The following GAK variants were observed in gnomAD, a reference collection of about 807,000 sequenced individuals.
GAK encodes cyclin G associated kinase.
A neutral mutation model predicts 143.9 loss-of-function variants in GAK; 79 were observed. That is an observed-to-expected ratio of 0.55 (90% confidence interval 0.46 to 0.66). The LOEUF (loss-of-function observed/expected upper bound fraction) is 0.66. Among genes scored for constraint, GAK ranks in the 30% least tolerant of loss-of-function variants. The probability of loss-of-function intolerance (pLI) is 0.00; values close to 1 mark genes in which losing one functional copy is unlikely to be tolerated. For missense variants in GAK, 1,693 were observed against 1,779.7 expected (o/e 0.95, Z 0.88); for synonymous variants, 881 against 765.5 (o/e 1.15, Z -2.49).
intron 5 of GAK, among the ~76,000 whole-genome samples, chr4:903,342 G>A (rs893250860): frequency 2.6e-5 from 4 of 152,234 alleles, no homozygotes; most frequent in East Asian, 3.9e-4. Context: ...GCCGGTGAAC[G>A]GAAGGGGAGG....
At chr4:929,714 A>G (rs976098441) in intron 1 of GAK, among the ~76,000 whole-genome samples, 17 of 152,112 alleles carry the variant, frequency 1.1e-4, no homozygotes, top group African/African-American at 1.7e-4. Context: ...AGATGACAGA[A>G]CAAATTTGAA....
At chr4:879,751 T>A (rs1450637854) in intron 15 of GAK, among the ~76,000 whole-genome samples, 17 of 152,210 alleles carry the variant, frequency 1.1e-4, no homozygotes, top group Admixed American at 8.5e-4. Flanking sequence ...CATGATTTCT[T>A]CACTGCTCCC....
rs1470057402 is a variant in GAK at position 856,665 on chromosome 4, C to T, written c.3283+2941G>A. ...GCTCACACCTGCTCACCATAGCTCA[C>T]CACAGCTGCTCACACCTGCTCACCA... On this transcript the variant is annotated intron_variant, in intron 24 of 27. Transcript: ENST00000314167. Among the ~76,000 whole-genome samples, 9 of 147,734 alleles carry T rather than the reference C, an allele frequency of 6.1e-5. No homozygotes were observed. The South Asian group carries it at 1.3e-3, about 22-fold the overall frequency.
chr4:931,411 T>C (rs1422180744), intron 1 of GAK, among the ~76,000 whole-genome samples: 2 of 150,956 alleles, frequency 1.3e-5, no homozygotes, highest in Non-Finnish European at 3.0e-5. Context: ...CAGTCTACCC[T>C]CGGCCAACCC....
chr4:912,677 C>T (rs909944744), intron 3 of GAK, 58 bp downstream of exon 3: 22 of 1,393,984 alleles, frequency 1.6e-5, no homozygotes, highest in South Asian at 2.3e-5. Flanking sequence ...CACAGCTTGA[C>T]GCAGGCCTGT....
chr4:849,849 C>T lies in GAK; in HGVS notation c.3834+43G>A, dbSNP rs771588990. On this transcript the variant is annotated intron_variant, in intron 27 of 27. Coordinates refer to ENST00000314167, the MANE Select transcript of GAK (RefSeq NM_005255.4). ...GCGGGGCAGGACCCCCCCCCCGCCCCGCCCCTGAAGGCCTCAAGCGGCCGC... is the reference window on the plus strand; with the variant it reads ...GCGGGGCAGGACCCCCCCCCCGCCCTGCCCCTGAAGGCCTCAAGCGGCCGC... 2.4e-5 allele frequency: 34 copies of T among 1,425,658 alleles called. No individual in the cohort carries two copies. In the African/African-American group the frequency reaches 3.0e-4, roughly 13 times the overall value. 88.3% of individuals were successfully genotyped at this position (1,425,658 alleles called of 1,614,324 possible). A position where few individuals can be genotyped will look rare whatever the true frequency, so the allele number is the denominator to read the frequency against.
Position 850,071 on chromosome 4 carries a change from G to A in GAK, c.3658-3C>T. 6.4e-7 allele frequency: 1 copy of A among 1,566,006 alleles called. No individual in the cohort carries two copies. The highest frequency in any genetic ancestry group is 8.7e-7 in the Non-Finnish European group (1 of 1,148,022). On this transcript the variant is annotated splice_polypyrimidine_tract_variant and splice_region_variant and intron_variant, in intron 26 of 27. Transcript: ENST00000314167. The stretch of plus-strand genomic sequence containing the variant: ...TTGCCCTCAATCCAGTCCAGGAGCT[G>A]CGGGAGACACGGAGCTTGCCGAGCC...
rs1396498394 is a variant in GAK at position 851,888 on chromosome 4, G to A, written c.3370C>T (p.Pro1124Ser). ...KGSSSWQTSR[P>S]PAQGASWPPQ... ...GGCCATGAGGCGCCCTGGGCTGGCG[G>A]CCGACTTGTCTGCCAGGAGCTGCTG... is the stretch of plus-strand genomic sequence containing the variant. The change falls in exon 25 of 28, where the codon CCG becomes TCG. Residue 1124 changes from proline to serine, a missense_variant. Pro to Ser is a moderately conservative substitution (Grantham distance 74, BLOSUM62 -1). This residue lies in a region of GAK where 822 missense variants were observed against 788.7 expected (regional missense o/e 1.04). Transcript: ENST00000314167. 3.1e-6 allele frequency: 5 copies of A among 1,611,258 alleles called. No individual in the cohort carries two copies. In the South Asian group the frequency reaches 5.5e-5, roughly 18 times the overall value.
intron 5 of GAK, among the ~76,000 whole-genome samples, chr4:903,793 T>C (rs182490152): frequency 2.9e-4 from 44 of 151,882 alleles, no homozygotes; most frequent in African/African-American, 9.2e-4. Context: ...CGTCCACAGC[T>C]CCCCACGGAA....
rs560376088 is a variant in GAK, at chr4:883,552, G to A, written c.1256-89C>T. On this transcript the variant is annotated intron_variant, in intron 12 of 27. Transcript: ENST00000314167. ...CGGCCTCGCTGCTCCTGACGCCCCCGGGCAAGCGCAGCCTCCGGCAGCTCC... is the reference window on the plus strand; with the variant it reads ...CGGCCTCGCTGCTCCTGACGCCCCCAGGCAAGCGCAGCCTCCGGCAGCTCC... 68 of 1,477,024 alleles carry A rather than the reference G, an allele frequency of 4.6e-5. No homozygotes were observed. In the South Asian group the frequency reaches 6.1e-4, roughly 13 times the overall value. 91.5% of individuals were successfully genotyped at this position (1,477,024 alleles called of 1,614,324 possible). A position where few individuals can be genotyped will look rare whatever the true frequency, so the allele number is the denominator to read the frequency against.
At chr4:907,775 G>A (rs929006246) in intron 4 of GAK, among the ~76,000 whole-genome samples, 6 of 152,200 alleles carry the variant, frequency 3.9e-5, no homozygotes, top group African/African-American at 1.4e-4. Context: ...GAGATGCCAC[G>A]GCTCTCCCCT....
Position 913,666 on chromosome 4 carries a change from C to G in GAK, c.148G>C (p.Gly50Arg). The G allele has an allele frequency of 6.2e-7, 1 of 1,612,844 alleles. No homozygotes were observed. Among genetic ancestry groups the G allele is most frequent in the Non-Finnish European group, 8.5e-7 (1 of 1,178,880 alleles). Reference protein sequence around the residue: ...LRVRRVLAEGGFAFVYEAQDV... With the variant: ...LRVRRVLAEGRFAFVYEAQDV... ...TGAGCTTCATACACAAATGCAAACC[C>G]TCCTGAAAATTAAAAAGACTTGTCA... Residue 50 changes from glycine (G) to arginine (R), a missense_variant and splice_region_variant, in exon 2 of 28, where the codon GGG becomes CGG. Transcript: ENST00000314167.
chr4:859,542 T>C (rs749464974), intron 24 of GAK, 64 bp downstream of exon 24: 36 of 1,589,866 alleles, frequency 2.3e-5, no homozygotes, highest in African/African-American at 4.0e-5. Context: ...CAGAGTCAGA[T>C]AGACGAGAAT....
chr4:867,474 G>C (rs1304066907), intron 20 of GAK, 42 bp from the exon 21 acceptor site: 3 of 1,448,286 alleles, frequency 2.1e-6, no homozygotes, highest in African/African-American at 2.9e-5. Context: ...GAGACCACAC[G>C]GCCAGCACCA....
In GAK at chr4:883,327, C is replaced by A. The variant is rs144499981; in HGVS notation, c.1392G>T (p.Arg464Ser). 270 of 1,613,354 alleles carry A rather than the reference C, an allele frequency of 1.7e-4. No individual in the cohort carries two copies. Among genetic ancestry groups the A allele is most frequent in the South Asian group, 4.2e-4 (38 of 91,066 alleles). The change falls in exon 13 of 28, where the codon AGG becomes AGT. Residue 464 changes from arginine (R) to serine (S), a missense_variant. Physicochemically the swap from Arg to Ser is moderately radical, Grantham distance 110. Around this residue, in one of 2 missense-constraint regions of GAK, gnomAD observed 871 missense variants for 991.0 expected, o/e 0.88. Coordinates refer to ENST00000314167, the MANE Select transcript of GAK (RefSeq NM_005255.4). ...TGTGGCCACACACCCGGTTGTGGAA[C>A]CTGGAGGGCCGGTAGGTCCTCGGGG... is the stretch of plus-strand genomic sequence containing the variant. ...NLSPRTYRPS[R>S]FHNRVSECGW...
chr4:880,876 C>T (rs1714961086), intron 15 of GAK, among the ~76,000 whole-genome samples: 1 of 152,230 alleles, frequency 6.6e-6, no homozygotes, highest in South Asian at 2.1e-4. Flanking sequence ...GGGAAAGAGA[C>T]TCCCTGGTTC....
At chr4:917,382 C>T (rs1029169511) in intron 1 of GAK, among the ~76,000 whole-genome samples, 58 of 146,124 alleles carry the variant, frequency 4.0e-4, no homozygotes, top group Non-Finnish European at 7.6e-4. Context: ...CAGAAAACTC[C>T]AGAAAACACA....
Position 883,365 on chromosome 4 carries a change from C to T in GAK, c.1354G>A (p.Val452Ile), listed in dbSNP as rs148874511. Reference sequence around the variant, plus strand: ...TAGGTCCTCGGGGACAGGTTGTAGACGGCATAGTGCCCTGGGTGCTTGGAG... The same window carrying T: ...TAGGTCCTCGGGGACAGGTTGTAGATGGCATAGTGCCCTGGGTGCTTGGAG... The part of the protein sequence containing the change: ...LDSKHPGHYA[V>I]YNLSPRTYRP... The change falls in exon 13 of 28, where the codon GTC (valine) becomes ATC (isoleucine). Residue 452 changes from valine to isoleucine, a missense_variant. Around this residue, in one of 2 missense-constraint regions of GAK, gnomAD observed 871 missense variants for 991.0 expected, o/e 0.88. Transcript: ENST00000314167. The T allele has an allele frequency of 1.1e-4, 181 of 1,613,716 alleles. No individual in the cohort carries two copies. The highest frequency in any genetic ancestry group is 4.9e-4 in the East Asian group (22 of 44,876).
intron 20 of GAK, among the ~76,000 whole-genome samples, chr4:867,725 G>A (rs1291944246): frequency 6.6e-6 from 1 of 152,124 alleles, no homozygotes. Context: ...CCTCAGCCCA[G>A]GGCCTTGGCG....
Sources: gnomAD v4.1 joint callset for allele counts (sites outside exome capture counted in the v4.1 genomes callset) on GRCh38, gnomAD v4.1.1 for gene constraint, gnomAD v4.1.1 regional missense constraint, MANE v1.5 for transcripts, NCBI Gene and HGNC (gene_info 2026-07-23, HGNC 2026-07-21) for gene names.